Variants in ZNF475 observed in about 807,000 individuals in gnomAD.
The protein encoded by ZNF475 is zinc finger protein 475.
At chr5:122,180,014 C>A in the ZNF475 span, 2 of 222,266 alleles carry the variant, frequency 9.0e-6, no homozygotes, top group Non-Finnish European at 1.7e-5. Flanking sequence ...ATCATCAAAC[C>A]CTTTGAATGT....
the ZNF475 span, among the ~76,000 whole-genome samples, chr5:122,168,950 C>T: frequency 3.3e-5 from 5 of 152,152 alleles, no homozygotes; most frequent in Non-Finnish European, 7.3e-5. Context: ...AGGATGAAGT[C>T]TGGGATCTGG....
the ZNF475 span, among the ~76,000 whole-genome samples, chr5:122,176,974 G>A: frequency 6.6e-6 from 1 of 152,082 alleles, no homozygotes; most frequent in Non-Finnish European, 1.5e-5. Context: ...CATAGATTTG[G>A]TTCTCCTAAG....
At chr5:122,181,688 C>T in the ZNF475 span, among the ~76,000 whole-genome samples, 1 of 152,176 alleles carries the variant, frequency 6.6e-6, no homozygotes, top group Non-Finnish European at 1.5e-5. Flanking sequence ...TGCCTTGTTA[C>T]ATTTTGGGGG....
the ZNF475 span, among the ~76,000 whole-genome samples, chr5:122,179,371 G>T: frequency 6.6e-6 from 1 of 152,152 alleles, no homozygotes; most frequent in East Asian, 1.9e-4. Context: ...TCTTATCCAT[G>T]AGCATGGAAT....
chr5:122,161,657 C>A, the ZNF475 span, among the ~76,000 whole-genome samples: 1 of 152,080 alleles, frequency 6.6e-6, no homozygotes, highest in African/African-American at 2.4e-5. Flanking sequence ...TTTTTCATCT[C>A]TTTAATTATA....
the ZNF475 span, among the ~76,000 whole-genome samples, chr5:122,170,688 A>G: frequency 3.8e-3 from 572 of 152,286 alleles, 9 homozygotes; most frequent in African/African-American, 0.013. Context: ...ATCATTGAAC[A>G]TTAGTGATTA....
At chr5:122,174,324 G>C in the ZNF475 span, among the ~76,000 whole-genome samples, 1 of 152,212 alleles carries the variant, frequency 6.6e-6, no homozygotes, top group African/African-American at 2.4e-5. Context: ...GTTGGAGATT[G>C]CTCAGCTTTC....
chr5:122,168,194 G>C, the ZNF475 span, among the ~76,000 whole-genome samples: 1 of 152,150 alleles, frequency 6.6e-6, no homozygotes, highest in African/African-American at 2.4e-5. Context: ...ACAGGCACCT[G>C]CCATCATGCC....
At chr5:122,168,747 C>T in the ZNF475 span, among the ~76,000 whole-genome samples, 663 of 152,274 alleles carry the variant, frequency 4.4e-3, 8 homozygotes, top group African/African-American at 0.015. Flanking sequence ...CCATCTGGCC[C>T]ATTTCTTAAT....
At chr5:122,162,765 C>A in the ZNF475 span, among the ~76,000 whole-genome samples, 1 of 152,156 alleles carries the variant, frequency 6.6e-6, no homozygotes, top group African/African-American at 2.4e-5. Flanking sequence ...TAACAGAAAA[C>A]CATCCTTCAT....
chr5:122,164,043 A>G, the ZNF475 span, among the ~76,000 whole-genome samples: 5 of 152,070 alleles, frequency 3.3e-5, no homozygotes, highest in African/African-American at 1.2e-4. Context: ...GAGTGAAAAC[A>G]CTGACTCTGC....
the ZNF475 span, among the ~76,000 whole-genome samples, chr5:122,163,484 TC>T: frequency 1.3e-5 from 2 of 152,168 alleles, no homozygotes; most frequent in African/African-American, 4.8e-5. Context: ...CATCCAAACT[TC>T]CTGCATTCTA....
At chr5:122,180,636 G>A in the ZNF475 span, among the ~76,000 whole-genome samples, 1 of 152,290 alleles carries the variant, frequency 6.6e-6, no homozygotes, top group African/African-American at 2.4e-5. Flanking sequence ...GTTTTAAGAG[G>A]AGTATCTTTC....
chr5:122,174,315 T>G, the ZNF475 span, among the ~76,000 whole-genome samples: 1 of 152,146 alleles, frequency 6.6e-6, no homozygotes. Flanking sequence ...TAACCACAAG[T>G]TGGAGATTGC....
the ZNF475 span, among the ~76,000 whole-genome samples, chr5:122,169,810 A>G: frequency 6.6e-6 from 1 of 152,236 alleles, no homozygotes; most frequent in African/African-American, 2.4e-5. Context: ...TTTTCAAAAT[A>G]AGATGACTAG....
chr5:122,166,240 G>A, the ZNF475 span, among the ~76,000 whole-genome samples: 1 of 152,050 alleles, frequency 6.6e-6, no homozygotes, highest in Admixed American at 6.5e-5. Context: ...AGGACTAACT[G>A]AATTTATATG....
chr5:122,169,499 G>C, the ZNF475 span, among the ~76,000 whole-genome samples: 14 of 152,310 alleles, frequency 9.2e-5, no homozygotes, highest in African/African-American at 3.4e-4. Context: ...GTGGCCTCTA[G>C]CATGGGGAAT....
the ZNF475 span, among the ~76,000 whole-genome samples, chr5:122,173,913 T>C: frequency 6.6e-6 from 1 of 152,228 alleles, no homozygotes; most frequent in Non-Finnish European, 1.5e-5. Flanking sequence ...CTATCTGAAA[T>C]GTTACAGGGA....
At chr5:122,179,916 G>T in the ZNF475 span, 1 of 464,518 alleles carries the variant, frequency 2.2e-6, no homozygotes, top group Non-Finnish European at 3.8e-6. Context: ...TTCTGATGCT[G>T]AGACATAAAG....
Sources: allele counts gnomAD v4.1 joint callset (sites outside exome capture counted in the v4.1 genomes callset), GRCh38; gene constraint gnomAD v4.1.1; transcripts MANE v1.5; gene names NCBI Gene and HGNC (gene_info 2026-07-23, HGNC 2026-07-21).